Variants in CACNG2 observed in about 807,000 individuals in gnomAD.
The protein encoded by CACNG2 is voltage-dependent calcium channel gamma-2 subunit.
A neutral mutation model predicts 25.9 loss-of-function variants in CACNG2; 3 were observed. The ratio of observed to expected loss-of-function variants is 0.12; its 90% confidence interval spans 0.05 to 0.30. The LOEUF (loss-of-function observed/expected upper bound fraction) is 0.30. CACNG2 is among the 10% of genes least tolerant of loss of function. The pLI is 1.00. For synonymous variants in CACNG2, 167 were observed against 173.3 expected, an observed-to-expected ratio of 0.96 and a Z score of 0.29; for missense variants, 341 against 432.5, an observed-to-expected ratio of 0.79 and a Z score of 1.88.
intron 2 of CACNG2, among the ~76,000 whole-genome samples, chr22:36,571,442 G>A (rs561833826): frequency 6.6e-6 from 1 of 152,000 alleles, no homozygotes; most frequent in South Asian, 2.1e-4. Context: ...GGGTGACGGA[G>A]CGAGGTTCCA....
At chr22:36,600,259 A>T (rs1019809005) in intron 1 of CACNG2, among the ~76,000 whole-genome samples, 2 of 152,030 alleles carry the variant, frequency 1.3e-5, no homozygotes, top group Admixed American at 6.6e-5. Context: ...CTTACTTTTA[A>T]TTTTTTTAGA....
intron 2 of CACNG2, among the ~76,000 whole-genome samples, chr22:36,580,025 C>A (rs141891795): frequency 1.2e-4 from 18 of 152,352 alleles, no homozygotes; most frequent in African/African-American, 4.1e-4. Context: ...ACAGTGAACA[C>A]GGATTGTGGC....
At chr22:36,695,380 A>C (rs1420477749) in intron 1 of CACNG2, among the ~76,000 whole-genome samples, 2 of 152,146 alleles carry the variant, frequency 1.3e-5, no homozygotes, top group Non-Finnish European at 2.9e-5. Flanking sequence ...CAAGAAGCCA[A>C]AAAACATAAC....
At chr22:36,603,317 G>T (rs527598863) in intron 1 of CACNG2, among the ~76,000 whole-genome samples, 32 of 152,322 alleles carry the variant, frequency 2.1e-4, no homozygotes, top group Admixed American at 9.8e-4. Flanking sequence ...AGCTAGCAGA[G>T]GTTGGTTCAT....
intron 2 of CACNG2, among the ~76,000 whole-genome samples, chr22:36,579,334 G>A (rs894679157): frequency 5.4e-5 from 8 of 148,886 alleles, no homozygotes; most frequent in Non-Finnish European, 7.4e-5. Flanking sequence ...AACCCAGGAG[G>A]TGGAGGTTGC....
chr22:36,681,802 T>G (rs1441026895), intron 1 of CACNG2, among the ~76,000 whole-genome samples: 1 of 152,184 alleles, frequency 6.6e-6, no homozygotes, highest in Non-Finnish European at 1.5e-5. Context: ...ACAGGGTGGT[T>G]GTGGGAACTG....
chr22:36,584,713 G>C (rs1010556182), intron 2 of CACNG2: 20 of 152,198 alleles, frequency 1.3e-4, no homozygotes, highest in African/African-American at 4.6e-4. Flanking sequence ...TCTGGGTTAG[G>C]GGACAGGTTC....
At chr22:36,585,075 A>G (rs1178236769) in intron 2 of CACNG2, 1 of 152,090 alleles carries the variant, frequency 6.6e-6, no homozygotes, top group Non-Finnish European at 1.5e-5. Flanking sequence ...GTGTTCACAT[A>G]TTCACCCACC....
At chr22:36,665,977 G>A (rs186751815) in intron 1 of CACNG2, among the ~76,000 whole-genome samples, 20 of 152,314 alleles carry the variant, frequency 1.3e-4, no homozygotes, top group Non-Finnish European at 2.4e-4. Flanking sequence ...CGTGTCTGTC[G>A]ACGGATGAAT....
At chr22:36,662,114 G>A (rs572630462) in intron 1 of CACNG2, among the ~76,000 whole-genome samples, 1 of 151,656 alleles carries the variant, frequency 6.6e-6, no homozygotes, top group African/African-American at 2.4e-5. Flanking sequence ...TAGTAGCTGG[G>A]ATTATAGGCA....
chr22:36,676,606 C>G (rs1937023318), intron 1 of CACNG2, among the ~76,000 whole-genome samples: 1 of 152,232 alleles, frequency 6.6e-6, no homozygotes, highest in African/African-American at 2.4e-5. Flanking sequence ...ACACTACCTT[C>G]CTCGTGAGGC....
At chr22:36,655,429 T>C (rs541209364) in intron 1 of CACNG2, among the ~76,000 whole-genome samples, 1 of 152,184 alleles carries the variant, frequency 6.6e-6, no homozygotes, top group Admixed American at 6.5e-5. Context: ...TTCTTCATAG[T>C]TCTATTTTAG....
At chr22:36,601,133 T>C (rs759363589) in intron 1 of CACNG2, among the ~76,000 whole-genome samples, 1 of 152,170 alleles carries the variant, frequency 6.6e-6, no homozygotes, top group Non-Finnish European at 1.5e-5. Flanking sequence ...TTGACCTATA[T>C]CTCTCCATTT....
intron 1 of CACNG2, among the ~76,000 whole-genome samples, chr22:36,690,358 T>C (rs561558925): frequency 3.7e-5 from 3 of 80,936 alleles, no homozygotes; most frequent in Non-Finnish European, 5.9e-5. Flanking sequence ...AAAAATCTTT[T>C]TTTTTCCCCC....
chr22:36,640,232 G>A (rs1320238888), intron 1 of CACNG2, among the ~76,000 whole-genome samples: 1 of 152,214 alleles, frequency 6.6e-6, no homozygotes, highest in African/African-American at 2.4e-5. Flanking sequence ...TGAGGAATCT[G>A]CAATGACAAG....
intron 1 of CACNG2, among the ~76,000 whole-genome samples, chr22:36,701,499 G>C (rs1011410117): frequency 6.6e-6 from 1 of 151,928 alleles, no homozygotes; most frequent in Non-Finnish European, 1.5e-5. Flanking sequence ...AAGGCAAAGA[G>C]CTGACACCCC....
chr22:36,591,091 C>T (rs1254969298), intron 1 of CACNG2, among the ~76,000 whole-genome samples: 1 of 151,762 alleles, frequency 6.6e-6, no homozygotes, highest in Non-Finnish European at 1.5e-5. Context: ...GGCTGGAGTG[C>T]AGTGGCACAA....
chr22:36,595,536 C>T (rs1935666238), intron 1 of CACNG2, among the ~76,000 whole-genome samples: 1 of 151,974 alleles, frequency 6.6e-6, no homozygotes, highest in Non-Finnish European at 1.5e-5. Context: ...TCAGCTGGTA[C>T]AAAGACGTGA....
chr22:36,600,358 T>A (rs931425172), intron 1 of CACNG2, among the ~76,000 whole-genome samples: 3 of 151,946 alleles, frequency 2.0e-5, no homozygotes, highest in African/African-American at 2.4e-5. Context: ...TAAATGATCC[T>A]CCTGCCTCAG....
Sources: allele counts gnomAD v4.1 joint callset (sites outside exome capture counted in the v4.1 genomes callset), GRCh38; gene constraint gnomAD v4.1.1; transcripts MANE v1.5; gene names NCBI Gene and HGNC (gene_info 2026-07-23, HGNC 2026-07-21).